The following ADCY2 variants were observed in gnomAD, a reference collection of about 807,000 sequenced individuals.
ADCY2 encodes the protein adenylate cyclase 2, also known as adenylate cyclase type 2.
Under a neutral mutation model 125.2 loss-of-function variants are expected in ADCY2, and 31 were observed. The observed-to-expected ratio is 0.25, with a 90% CI of 0.19 to 0.33. The LOEUF is 0.33. ADCY2 is among the 10% of genes least tolerant of loss of function. The probability of loss-of-function intolerance (pLI) is 1.00; values close to 1 mark genes in which losing one functional copy is unlikely to be tolerated. For missense variants in ADCY2, 904 were observed against 1,418.2 expected, an observed-to-expected ratio of 0.64 and a Z score of 5.82; for synonymous variants, 512 against 548.4, an observed-to-expected ratio of 0.93 and a Z score of 0.93.
At chr5:7,820,457 G>A (rs1745261806) in intron 23 of ADCY2, 108 bp from the exon 24 acceptor site, 1 of 1,401,320 alleles carries the variant, frequency 7.1e-7, no homozygotes, top group Admixed American at 2.1e-5. Context: ...TTGCGCCACT[G>A]CACTCCAGCC....
intron 3 of ADCY2, among the ~76,000 whole-genome samples, chr5:7,574,783 T>C (rs1736190071): frequency 6.6e-6 from 1 of 152,210 alleles, no homozygotes; most frequent in African/African-American, 2.4e-5. Flanking sequence ...TGTAATCATG[T>C]ATCCAAGAAG....
intron 2 of ADCY2, among the ~76,000 whole-genome samples, chr5:7,511,325 C>T (rs2126519404): frequency 6.6e-6 from 1 of 152,246 alleles, no homozygotes; most frequent in East Asian, 1.9e-4. Flanking sequence ...CCTGTAATCC[C>T]AGTACTTTGG....
At chr5:7,654,304 A>G in intron 4 of ADCY2, 1 of 370,754 alleles carries the variant, frequency 2.7e-6, no homozygotes, top group South Asian at 2.0e-5. Flanking sequence ...TGGCGGGGAG[A>G]AGCCTCACTG....
intron 4 of ADCY2, among the ~76,000 whole-genome samples, chr5:7,633,904 G>A (rs899591942): frequency 2.0e-5 from 3 of 152,138 alleles, no homozygotes; most frequent in Non-Finnish European, 4.4e-5. Context: ...AATAGGCAAA[G>A]AATAATCTAG....
At chr5:7,787,567 G>A (rs369539115) in intron 19 of ADCY2, among the ~76,000 whole-genome samples, 19 of 152,286 alleles carry the variant, frequency 1.2e-4, no homozygotes, top group Admixed American at 6.5e-4. Flanking sequence ...TTTCATACAA[G>A]CTGCTAATGT....
At chr5:7,687,685 A>G (rs1263920900) in intron 4 of ADCY2, among the ~76,000 whole-genome samples, 1 of 152,182 alleles carries the variant, frequency 6.6e-6, no homozygotes, top group Non-Finnish European at 1.5e-5. Flanking sequence ...TAGCGGACAC[A>G]CAGGAAAGCA....
At chr5:7,673,269 A>AAAAAAAAATATATATATAT (rs1554030659) in intron 4 of ADCY2, among the ~76,000 whole-genome samples, 1 of 3,932 alleles carries the variant, frequency 2.5e-4, no homozygotes, top group Non-Finnish European at 5.5e-4. Flanking sequence ...AAAAAAAAAA[A>AAAAAAAAATATATATATAT]ATATATATAT....
chr5:7,406,013 C>T (rs1011615302), intron 1 of ADCY2, among the ~76,000 whole-genome samples: 13 of 151,874 alleles, frequency 8.6e-5, no homozygotes, highest in South Asian at 2.1e-4. Context: ...TGTGTGCCAC[C>T]GTGCCCTACT....
rs190831724 is a variant in ADCY2, at chr5:7,548,481, G to A, written c.570+27582G>A. 3.3e-3 allele frequency among the ~76,000 whole-genome samples: 507 copies of A among 151,526 alleles called. 8 individuals carry two copies. The highest frequency in any genetic ancestry group is 0.012 in the African/African-American group (485 of 40,844). On this transcript the variant is annotated intron_variant, in intron 3 of 24. Transcript: ENST00000338316. ...ATCATTGTAAGAGTAAAGATTTGTA[G>A]CAAATTTTTTTAGAACAGCTGGCAG...
chr5:7,633,891 T>C (rs964253990), intron 4 of ADCY2, among the ~76,000 whole-genome samples: 8 of 152,220 alleles, frequency 5.3e-5, no homozygotes, highest in African/African-American at 1.9e-4. Flanking sequence ...GGTAAGAATG[T>C]TTAATAGGCA....
At chr5:7,432,897 A>T (rs1740657777) in intron 2 of ADCY2, among the ~76,000 whole-genome samples, 1 of 151,638 alleles carries the variant, frequency 6.6e-6, no homozygotes, top group South Asian at 2.1e-4. Flanking sequence ...GTACAATTTC[A>T]ACATGTACTG....
intron 3 of ADCY2, among the ~76,000 whole-genome samples, chr5:7,601,813 T>A (rs1345734076): frequency 6.6e-6 from 1 of 152,230 alleles, no homozygotes; most frequent in Non-Finnish European, 1.5e-5. Context: ...GCATGCTGTG[T>A]GCATCAGAGT....
intron 22 of ADCY2, among the ~76,000 whole-genome samples, chr5:7,808,233 GGAAGTGT>G (rs1395908637): frequency 6.6e-6 from 1 of 152,174 alleles, no homozygotes; most frequent in African/African-American, 2.4e-5. Context: ...CAACTTTCCT[GGAAGTGT>G]GTGTATGTTT....
At chr5:7,564,094 T>C (rs188977499) in intron 3 of ADCY2, among the ~76,000 whole-genome samples, 6 of 152,328 alleles carry the variant, frequency 3.9e-5, no homozygotes, top group Admixed American at 1.3e-4. Context: ...CTGTAAAACA[T>C]AGTCTTTGTA....
intron 4 of ADCY2, among the ~76,000 whole-genome samples, chr5:7,642,034 T>C (rs546157339): frequency 1.3e-5 from 2 of 152,226 alleles, no homozygotes; most frequent in Admixed American, 6.5e-5. Context: ...CTTCTAGATA[T>C]ATACCCAGTA....
At chr5:7,491,456 T>G (rs1433441676) in intron 2 of ADCY2, among the ~76,000 whole-genome samples, 1 of 152,188 alleles carries the variant, frequency 6.6e-6, no homozygotes, top group African/African-American at 2.4e-5. Context: ...TCTTTGTGTT[T>G]GTAAGAGGAC....
chr5:7,505,835 G>C (rs1743791565), intron 2 of ADCY2, among the ~76,000 whole-genome samples: 1 of 152,202 alleles, frequency 6.6e-6, no homozygotes, highest in South Asian at 2.1e-4. Flanking sequence ...TTCCCTGCAT[G>C]AGCTTTTCTC....
At chr5:7,800,074 AT>A (rs1744544718) in intron 20 of ADCY2, 1 of 152,152 alleles carries the variant, frequency 6.6e-6, no homozygotes, top group Non-Finnish European at 1.5e-5. Flanking sequence ...AAAGTATAGT[AT>A]TTACACGGGT....
chr5:7,400,944 T>G (rs1739241078), intron 1 of ADCY2, among the ~76,000 whole-genome samples: 1 of 152,206 alleles, frequency 6.6e-6, no homozygotes, highest in Non-Finnish European at 1.5e-5. Flanking sequence ...TATTGAAATG[T>G]ATGATTAAAT....
Sources: gnomAD v4.1 joint callset for allele counts (sites outside exome capture counted in the v4.1 genomes callset) on GRCh38, gnomAD v4.1.1 for gene constraint, MANE v1.5 for transcripts, NCBI Gene and HGNC (gene_info 2026-07-23, HGNC 2026-07-21) for gene names.